DYNLRB1: variants seen among roughly 807,000 people sequenced by gnomAD.
DYNLRB1 encodes dynein light chain roadblock-type 1.
DYNLRB1 carries 6 observed loss-of-function variants against 13.5 expected under a neutral mutation model. The observed-to-expected ratio is 0.44, with a 90% CI of 0.24 to 0.88. The LOEUF (loss-of-function observed/expected upper bound fraction) is 0.88, where lower values mean the gene tolerates loss of function less well. Ranked by LOEUF, DYNLRB1 falls within the 40% of genes least tolerant of loss-of-function variation. The probability of loss-of-function intolerance (pLI) is 0.21; values close to 1 mark genes in which losing one functional copy is unlikely to be tolerated. For missense variants in DYNLRB1, 93 were observed against 127.2 expected (o/e 0.73, Z 1.29); for synonymous variants, 43 against 45.0 (o/e 0.96, Z 0.18).
At position 34,526,455 on chromosome 20, in the gene DYNLRB1, G is replaced by A. The variant is rs1159472137; in HGVS notation, c.79+112G>A. ...CTTCATGAATCTGATCTAATTTTAG[G>A]CCTTTTTAATTTTTAACACCTCCAG... On this transcript the variant is annotated intron_variant, in intron 2 of 3. Transcript: ENST00000357156. The A allele has an allele frequency of 9.1e-6, 8 of 880,164 alleles. No individual in the cohort carries two copies. In the East Asian group the frequency reaches 1.9e-4, roughly 21 times the overall value. 54.5% of individuals were successfully genotyped at this position (880,164 alleles called of 1,614,324 possible). A position where few individuals can be genotyped will look rare whatever the true frequency, so the allele number is the denominator to read the frequency against.
chr20:34,517,286 G>A (rs1055393752), intron 1 of DYNLRB1, among the ~76,000 whole-genome samples: 3 of 152,122 alleles, frequency 2.0e-5, no homozygotes, highest in Admixed American at 6.5e-5. Context: ...TCATCACCTA[G>A]AGGCAACCAC....
In DYNLRB1 at chr20:34,534,665, C is replaced by A; in HGVS notation, c.117C>A (p.Thr39=). ...AGAGCACCATGGACAACCCCACCACCACCCAGTATGCCAGCCTCATGCACA... is the reference window on the plus strand; with the variant it reads ...AGAGCACCATGGACAACCCCACCACAACCCAGTATGCCAGCCTCATGCACA... The part of the protein sequence containing the change: ...PIKSTMDNPT[T]TQYASLMHSF... The change falls in exon 3 of 4, where the codon ACC becomes ACA. Residue 39 remains threonine, a synonymous_variant. Transcript: ENST00000357156. 1 of 1,588,408 alleles carries A rather than the reference C, an allele frequency of 6.3e-7. No homozygotes were observed. The highest frequency in any genetic ancestry group is 1.2e-5 in the South Asian group (1 of 85,366).
Position 34,534,976 on chromosome 20 carries a change from T to G in DYNLRB1, c.247+181T>G, listed in dbSNP as rs1034210406. 6.2e-6 allele frequency: 9 copies of G among 1,452,278 alleles called. No homozygotes were observed. The African/African-American group carries it at 1.1e-4, about 18-fold the overall frequency. The allele number at this position is 1,452,278 out of a possible 1,614,324, so 90.0% of individuals were successfully genotyped here. On this transcript the variant is annotated intron_variant, in intron 3 of 3. Coordinates refer to ENST00000357156, the MANE Select transcript of DYNLRB1 (RefSeq NM_014183.4). ...CCAGCTGGTGTCCCATAGCAGATCC[T>G]CCCAGGGACCGGCCCCAGAGGGTAA...
In DYNLRB1 at chr20:34,526,305, A is replaced by T; in HGVS notation, c.41A>T (p.Gln14Leu). Residue 14 changes from glutamine (Q) to leucine (L), a missense_variant, in exon 2 of 4, where the codon CAG becomes CTG. Gln to Leu is a moderately radical substitution (Grantham distance 113). Coordinates refer to ENST00000357156, the MANE Select transcript of DYNLRB1 (RefSeq NM_014183.4). ...VEETLKRLQS[Q>L]KGVQGIIVVN... ...GAGACACTGAAGCGACTGCAGAGCC[A>T]GAAGGGAGTGCAGGGAATCATCGTC... 1 of 1,614,170 alleles carries T rather than the reference A, an allele frequency of 6.2e-7. No individual in the cohort carries two copies. Among genetic ancestry groups the T allele is most frequent in the South Asian group, 1.1e-5 (1 of 91,082 alleles).
chr20:34,516,269 C>T, upstream of DYNLRB1: 1 of 916,298 alleles, frequency 1.1e-6, no homozygotes, highest in Non-Finnish European at 1.6e-6. Flanking sequence ...TAGCTTTTCG[C>T]TTTGCCACAG....
At chr20:34,522,334 G>T (rs1471122742) in intron 1 of DYNLRB1, among the ~76,000 whole-genome samples, 3 of 152,166 alleles carry the variant, frequency 2.0e-5, no homozygotes, top group African/African-American at 4.8e-5. Flanking sequence ...TCAGAAGAGA[G>T]CATGTGTCTG....
At chr20:34,535,947 A>G in intron 3 of DYNLRB1, 1 of 985,170 alleles carries the variant, frequency 1.0e-6, no homozygotes, top group Non-Finnish European at 1.2e-6. Flanking sequence ...CAGAGTTCTG[A>G]GGTAATTTGA....
chr20:34,516,280 T>C (rs1979154344), upstream of DYNLRB1: 2 of 1,027,074 alleles, frequency 1.9e-6, no homozygotes, highest in South Asian at 1.8e-5. Context: ...TTTGCCACAG[T>C]GGAAAGCAGA....
intron 2 of DYNLRB1, chr20:34,530,288 C>T (rs752740755): frequency 3.5e-5 from 35 of 1,010,640 alleles, no homozygotes; most frequent in East Asian, 9.0e-5. Context: ...TAGCTGAGAA[C>T]GTGGAATGCA....
In DYNLRB1 at chr20:34,525,180, TC is replaced by T. The variant is rs35695347; in HGVS notation, c.4-1078del. On this transcript the variant is annotated intron_variant, in intron 1 of 3. Coordinates refer to ENST00000357156, the MANE Select transcript of DYNLRB1 (RefSeq NM_014183.4). Reference sequence around the variant, plus strand: ...TGCTGTCTCCACCCAGTGTTGAGGATCCCCCCCCCCATTTCTTTTGGTGAAT... The same window carrying T: ...TGCTGTCTCCACCCAGTGTTGAGGATCCCCCCCCCATTTCTTTTGGTGAAT... 2.1e-3 allele frequency among the ~76,000 whole-genome samples: 306 copies of T among 146,392 alleles called. 1 individual carries two copies. The highest frequency in any genetic ancestry group is 4.7e-3 in the Admixed American group (68 of 14,614).
intron 2 of DYNLRB1, among the ~76,000 whole-genome samples, chr20:34,528,004 T>C (rs1170678290): frequency 6.6e-6 from 1 of 152,134 alleles, no homozygotes; most frequent in African/African-American, 2.4e-5. Flanking sequence ...GTTTGGCCAA[T>C]TTAAAAACTA....
chr20:34,535,678 A>G, intron 3 of DYNLRB1: 1 of 985,248 alleles, frequency 1.0e-6, no homozygotes, highest in Non-Finnish European at 1.2e-6. Context: ...TATGCGCGTG[A>G]TGGTGCACTC....
At chr20:34,520,021 C>T (rs546900057) in intron 1 of DYNLRB1, among the ~76,000 whole-genome samples, 3 of 152,198 alleles carry the variant, frequency 2.0e-5, no homozygotes, top group African/African-American at 7.2e-5. Flanking sequence ...TCCAGCTGCT[C>T]AGGAGGCTGA....
upstream of DYNLRB1, among the ~76,000 whole-genome samples, chr20:34,515,877 C>G (rs138638831): frequency 2.6e-5 from 4 of 152,076 alleles, no homozygotes; most frequent in Admixed American, 2.6e-4. Context: ...CTTCCGATAC[C>G]GAGAACCAGC....
chr20:34,526,241 C>T, intron 1 of DYNLRB1, 27 bp from the exon 2 acceptor site: 1 of 1,613,930 alleles, frequency 6.2e-7, no homozygotes. Flanking sequence ...ATCGGCCTCT[C>T]CTAACCTTGG....
At chr20:34,516,333 C>G (rs577353617), upstream of DYNLRB1, 3 of 1,427,288 alleles carry the variant, frequency 2.1e-6, no homozygotes, top group Non-Finnish European at 2.8e-6. Flanking sequence ...CTCGCCCGCC[C>G]CCGCCTCACG....
At chr20:34,538,135 T>TA (rs929661924) in intron 3 of DYNLRB1, among the ~76,000 whole-genome samples, 2 of 145,098 alleles carry the variant, frequency 1.4e-5, no homozygotes, top group African/African-American at 5.1e-5. Flanking sequence ...TTTTTTTTTT[T>TA]TTTTTTTTTT....
intron 1 of DYNLRB1, among the ~76,000 whole-genome samples, chr20:34,521,440 T>C (rs1018708284): frequency 6.6e-6 from 1 of 152,208 alleles, no homozygotes; most frequent in Non-Finnish European, 1.5e-5. Context: ...CTTAGTCATT[T>C]TGTGTTTTTT....
chr20:34,539,766 C>G, intron 3 of DYNLRB1, among the ~76,000 whole-genome samples: 1 of 152,118 alleles, frequency 6.6e-6, no homozygotes, highest in Non-Finnish European at 1.5e-5. Context: ...CTTGGCCTCC[C>G]AAAGTGCTAC....
Sources: allele counts gnomAD v4.1 joint callset (sites outside exome capture counted in the v4.1 genomes callset), GRCh38; gene constraint gnomAD v4.1.1; transcripts MANE v1.5; gene names NCBI Gene and HGNC (gene_info 2026-07-23, HGNC 2026-07-21).